The following WNT1 variants were observed in gnomAD, a reference collection of about 807,000 sequenced individuals.
WNT1 encodes Wnt family member 1.
A neutral mutation model predicts 21.3 loss-of-function variants in WNT1; 10 were observed. The ratio of observed to expected loss-of-function variants is 0.47; its 90% confidence interval spans 0.29 to 0.80. The LOEUF (loss-of-function observed/expected upper bound fraction) is 0.80. WNT1 is among the 30% of genes least tolerant of loss of function. WNT1 has a pLI of 0.09. For synonymous variants in WNT1, 208 were observed against 236.3 expected (o/e 0.88, Z 1.10); for missense variants, 476 against 534.1 (o/e 0.89, Z 1.07).
In WNT1 at chr12:48,978,785, T is replaced by C. The variant is rs1294988512; in HGVS notation, c.104+31T>C. 2.0e-6 allele frequency: 3 copies of C among 1,501,878 alleles called. No homozygotes were observed. Among genetic ancestry groups the C allele is most frequent in the African/African-American group, 1.4e-5 (1 of 72,622 alleles). The allele number at this position is 1,501,878 out of a possible 1,614,324, so 93.0% of individuals were successfully genotyped here. A position where few individuals can be genotyped will look rare whatever the true frequency, so the allele number is the denominator to read the frequency against. ...TGAGCTGGTGCGGGGTCGCCACTTGTCCCGCGGCACAGAGCCAGGGGCCAA... is the reference window on the plus strand; with the variant it reads ...TGAGCTGGTGCGGGGTCGCCACTTGCCCCGCGGCACAGAGCCAGGGGCCAA... On this transcript the variant is annotated intron_variant, in intron 1 of 3. Transcript: ENST00000293549. This position sits in a 1 kb window ranked among gnomAD's most constrained non-coding sequence, Gnocchi z 7.4.
Position 48,979,664 on chromosome 12 carries a change from C to A in WNT1, c.301C>A (p.Arg101Ser). 3 of 1,612,586 alleles carry A rather than the reference C, an allele frequency of 1.9e-6. No individual in the cohort carries two copies. Among genetic ancestry groups the A allele is most frequent in the Non-Finnish European group, 2.5e-6 (3 of 1,179,072 alleles). The change falls in exon 2 of 4, where the codon CGC becomes AGC. Residue 101 changes from arginine (R) to serine (S), a missense_variant. Transcript: ENST00000293549. This position sits in a 1 kb window ranked among gnomAD's most constrained non-coding sequence, Gnocchi z 6.0. Reference protein sequence around the residue: ...RECKWQFRNRRWNCPTAPGPH... With the variant: ...RECKWQFRNRSWNCPTAPGPH... ...GTGCAAGTGGCAGTTCCGGAATCGC[C>A]GCTGGAACTGTCCCACTGCTCCAGG...
rs779389282 is a variant in WNT1, at chr12:48,980,162, G to A, written c.359-262G>A. On this transcript the variant is annotated intron_variant, in intron 2 of 3. Coordinates refer to ENST00000293549, the MANE Select transcript of WNT1 (RefSeq NM_005430.4). The surrounding 1 kb of genome is among the most constrained non-coding windows in gnomAD (Gnocchi z 7.0). ...CCCCTCTCTTCGGTTTGTCTCTCTGGGGCTGCTCCACTTCCGCTATCGAGC... is the reference window on the plus strand; with the variant it reads ...CCCCTCTCTTCGGTTTGTCTCTCTGAGGCTGCTCCACTTCCGCTATCGAGC... Among the ~76,000 whole-genome samples the A allele has an allele frequency of 1.6e-4, 24 of 152,210 alleles. No individual in the cohort carries two copies. Among genetic ancestry groups the A allele is most frequent in the Non-Finnish European group, 2.6e-4 (18 of 68,034 alleles).
At position 48,980,346 on chromosome 12, in the gene WNT1, C is replaced by A; in HGVS notation, c.359-78C>A. On this transcript the variant is annotated intron_variant, in intron 2 of 3. Coordinates refer to ENST00000293549, the MANE Select transcript of WNT1 (RefSeq NM_005430.4). This position sits in a 1 kb window ranked among gnomAD's most constrained non-coding sequence, Gnocchi z 7.0. ...AAAGTGCGGAGTCGGGGGTGGGATT[C>A]CGGTCCCAAGCCCTTCATGAGGGTG... 1 of 1,545,768 alleles carries A rather than the reference C, an allele frequency of 6.5e-7. No homozygotes were observed. Among genetic ancestry groups the A allele is most frequent in the Non-Finnish European group, 8.9e-7 (1 of 1,128,796 alleles).
chr12:48,981,749 A>C lies in WNT1; in HGVS notation c.*109A>C. 7.4e-7 allele frequency: 1 copy of C among 1,358,892 alleles called. No homozygotes were observed. The highest frequency in any genetic ancestry group is 9.5e-7 in the Non-Finnish European group (1 of 1,049,578). The allele number at this position is 1,358,892 out of a possible 1,614,324, so 84.2% of individuals were successfully genotyped here. ...CGCCCACCCGAGTACCTCCAGTCAC[A>C]CTCCCCGCGGTTCATACGCATCCCA... On this transcript the variant is annotated 3_prime_UTR_variant, in exon 4 of 4. Coordinates refer to ENST00000293549, the MANE Select transcript of WNT1 (RefSeq NM_005430.4). This position sits in a 1 kb window ranked among gnomAD's most constrained non-coding sequence, Gnocchi z 7.4.
At position 48,980,736 on chromosome 12, in the gene WNT1, A is replaced by G; in HGVS notation, c.624+47A>G. The stretch of plus-strand genomic sequence containing the variant: ...ACCCTAAGCGGAGCGGCAGGGGCCA[A>G]CCTCGGGCTGGGGAAGTGACGGTCG... On this transcript the variant is annotated intron_variant, in intron 3 of 3. Transcript: ENST00000293549. This position sits in a 1 kb window ranked among gnomAD's most constrained non-coding sequence, Gnocchi z 7.0. 2.7e-6 allele frequency: 4 copies of G among 1,491,452 alleles called. No homozygotes were observed. In the South Asian group the frequency reaches 5.6e-5, roughly 21 times the overall value. The allele number at this position is 1,491,452 out of a possible 1,614,324, so 92.4% of individuals were successfully genotyped here. A position where few individuals can be genotyped will look rare whatever the true frequency, so the allele number is the denominator to read the frequency against.
Position 48,979,108 on chromosome 12 carries a change from G to A in WNT1, c.104+354G>A, listed in dbSNP as rs1249164755. On this transcript the variant is annotated intron_variant, in intron 1 of 3. Transcript: ENST00000293549. This position sits in a 1 kb window ranked among gnomAD's most constrained non-coding sequence, Gnocchi z 6.0. ...AGGAGTTCGCCTAGAAAGGAGGGGA[G>A]AAGAGGGTGGGACTCCTAAGCATTT... is the stretch of plus-strand genomic sequence containing the variant. Among the ~76,000 whole-genome samples, 1 of 152,228 alleles carries A rather than the reference G, an allele frequency of 6.6e-6. No homozygotes were observed. The highest frequency in any genetic ancestry group is 1.5e-5 in the Non-Finnish European group (1 of 68,042).
Position 48,981,717 on chromosome 12 carries a change from G to A in WNT1, c.*77G>A, listed in dbSNP as rs767267224. 2.6e-5 allele frequency: 36 copies of A among 1,401,134 alleles called. No homozygotes were observed. Among genetic ancestry groups the A allele is most frequent in the Admixed American group, 3.2e-5 (1 of 31,140 alleles). The allele number at this position is 1,401,134 out of a possible 1,614,324, so 86.8% of individuals were successfully genotyped here. ...ACAGACTCGCTAGCACTCAAGACCCGGTTATTCGCCCACCCGAGTACCTCC... is the reference window on the plus strand; with the variant it reads ...ACAGACTCGCTAGCACTCAAGACCCAGTTATTCGCCCACCCGAGTACCTCC... On this transcript the variant is annotated 3_prime_UTR_variant, in exon 4 of 4. Coordinates refer to ENST00000293549, the MANE Select transcript of WNT1 (RefSeq NM_005430.4). This position sits in a 1 kb window ranked among gnomAD's most constrained non-coding sequence, Gnocchi z 7.4.
In WNT1 at chr12:48,978,620, G is replaced by C; in HGVS notation, c.-31G>C. 1.3e-6 allele frequency: 2 copies of C among 1,524,614 alleles called. No homozygotes were observed. The allele number at this position is 1,524,614 out of a possible 1,614,324, so 94.4% of individuals were successfully genotyped here. ...GGCAACAACCAAAGTCGCCGCAACT[G>C]CAGCACAGAGCGGGCAAAGCCAGGC... On this transcript the variant is annotated 5_prime_UTR_variant, in exon 1 of 4. Coordinates refer to ENST00000293549, the MANE Select transcript of WNT1 (RefSeq NM_005430.4). The surrounding 1 kb of genome is among the most constrained non-coding windows in gnomAD (Gnocchi z 7.4).
In WNT1 at chr12:48,981,242, C is replaced by T; in HGVS notation, c.715C>T (p.Leu239=). ...CACGTGCTGGATGCGGCTGCCCACGCTGCGCGCCGTGGGCGATGTGCTGCG... is the reference window on the plus strand; with the variant it reads ...CACGTGCTGGATGCGGCTGCCCACGTTGCGCGCCGTGGGCGATGTGCTGCG... ...VRTCWMRLPT[L]RAVGDVLRDR... is the part of the protein sequence containing the mutation. Residue 239 remains leucine (L), a synonymous_variant, in exon 4 of 4, where the codon CTG becomes TTG. Coordinates refer to ENST00000293549, the MANE Select transcript of WNT1 (RefSeq NM_005430.4). The surrounding 1 kb of genome is among the most constrained non-coding windows in gnomAD (Gnocchi z 7.4). The T allele has an allele frequency of 1.9e-6, 3 of 1,609,624 alleles. No individual in the cohort carries two copies. Among genetic ancestry groups the T allele is most frequent in the African/African-American group, 1.3e-5 (1 of 74,574 alleles).
chr12:48,978,429 C>A lies in WNT1; in HGVS notation c.-222C>A. 1 of 574,102 alleles carries A rather than the reference C, an allele frequency of 1.7e-6. No individual in the cohort carries two copies. The highest frequency in any genetic ancestry group is 3.1e-6 in the Non-Finnish European group (1 of 324,274). The allele number at this position is 574,102 out of a possible 1,614,324, so 35.6% of individuals were successfully genotyped here. ...GAGGGGCAGCCTCCTCCCGTCACTT[C>A]AGCCAGCGCCGCAACTATAAGAGGC... On this transcript the variant is annotated 5_prime_UTR_variant, in exon 1 of 4. Coordinates refer to ENST00000293549, the MANE Select transcript of WNT1 (RefSeq NM_005430.4). This position sits in a 1 kb window ranked among gnomAD's most constrained non-coding sequence, Gnocchi z 7.4.
Position 48,980,444 on chromosome 12 carries a change from A to G in WNT1, c.379A>G (p.Ile127Val), listed in dbSNP as rs1254888811. Residue 127 changes from isoleucine (I) to valine (V), a missense_variant, in exon 3 of 4, where the codon ATC (isoleucine) becomes GTC (valine). Ile to Val is a conservative substitution (Grantham distance 29). Coordinates refer to ENST00000293549, the MANE Select transcript of WNT1 (RefSeq NM_005430.4). This position sits in a 1 kb window ranked among gnomAD's most constrained non-coding sequence, Gnocchi z 7.0. ...VNRGCRETAF[I>V]FAITSAGVTH... ...CACAGGCTGTCGAGAAACGGCGTTT[A>G]TCTTCGCTATCACCTCCGCCGGGGT... The G allele has an allele frequency of 6.2e-7, 1 of 1,614,172 alleles. No homozygotes were observed.
rs1940973274 is a variant in WNT1, at chr12:48,978,990, C to G, written c.104+236C>G. 6.6e-6 allele frequency among the ~76,000 whole-genome samples: 1 copy of G among 152,264 alleles called. No homozygotes were observed. The highest frequency in any genetic ancestry group is 2.4e-5 in the African/African-American group (1 of 41,474). On this transcript the variant is annotated intron_variant, in intron 1 of 3. Transcript: ENST00000293549. This position sits in a 1 kb window ranked among gnomAD's most constrained non-coding sequence, Gnocchi z 7.4. ...AGATACCCCAGGCAGGGAGCCCACT[C>G]TCATCTAGCACCGCCCTTCCCCTTT...
Position 48,980,316 on chromosome 12 carries a change from G to A in WNT1, c.359-108G>A. On this transcript the variant is annotated intron_variant, in intron 2 of 3. Transcript: ENST00000293549. The surrounding 1 kb of genome is among the most constrained non-coding windows in gnomAD (Gnocchi z 7.0). ...CAGCACTGCCGGCCCTGGCTCTCAG[G>A]ACTCAAAGTGCGGAGTCGGGGGTGG... 1 of 1,306,844 alleles carries A rather than the reference G, an allele frequency of 7.7e-7. No homozygotes were observed. Among genetic ancestry groups the A allele is most frequent in the Non-Finnish European group, 1.1e-6 (1 of 933,128 alleles). The allele number at this position is 1,306,844 out of a possible 1,614,324, so 81.0% of individuals were successfully genotyped here.
Position 48,981,741 on chromosome 12 carries a change from C to T in WNT1, c.*101C>T. On this transcript the variant is annotated 3_prime_UTR_variant, in exon 4 of 4. Coordinates refer to ENST00000293549, the MANE Select transcript of WNT1 (RefSeq NM_005430.4). The surrounding 1 kb of genome is among the most constrained non-coding windows in gnomAD (Gnocchi z 7.4). ...CGGTTATTCGCCCACCCGAGTACCT[C>T]CAGTCACACTCCCCGCGGTTCATAC... 1.5e-6 allele frequency: 2 copies of T among 1,373,526 alleles called. No individual in the cohort carries two copies. Among genetic ancestry groups the T allele is most frequent in the Non-Finnish European group, 1.9e-6 (2 of 1,059,882 alleles). 85.1% of individuals were successfully genotyped at this position (1,373,526 alleles called of 1,614,324 possible). A position where few individuals can be genotyped will look rare whatever the true frequency, so the allele number is the denominator to read the frequency against.
At position 48,979,492 on chromosome 12, in the gene WNT1, C is replaced by T. The variant is rs1476399475; in HGVS notation, c.129C>T (p.Ser43=). 5.0e-6 allele frequency: 8 copies of T among 1,612,176 alleles called. No individual in the cohort carries two copies. The highest frequency in any genetic ancestry group is 6.8e-6 in the Non-Finnish European group (8 of 1,178,690). Residue 43 remains serine (S), a synonymous_variant, in exon 2 of 4, where the codon TCC becomes TCT. Transcript: ENST00000293549. The surrounding 1 kb of genome is among the most constrained non-coding windows in gnomAD (Gnocchi z 6.0). The part of the protein sequence containing the change: ...RWWGIVNVAS[S]TNLLTDSKSL... ...GGGGTATTGTGAACGTAGCCTCCTC[C>T]ACGAACCTGCTTACAGACTCCAAGA...
rs555496663 is a variant in WNT1, at chr12:48,981,814, C to G, written c.*174C>G. 1.1e-6 allele frequency: 1 copy of G among 947,462 alleles called. No individual in the cohort carries two copies. Among genetic ancestry groups the G allele is most frequent in the African/African-American group, 1.7e-5 (1 of 57,172 alleles). 58.7% of individuals were successfully genotyped at this position (947,462 alleles called of 1,614,324 possible). ...TCCTACCTGGGGACTCCTCAAACCACTTGCCTGGGGCGGCATGAACCCTCT... is the reference window on the plus strand; with the variant it reads ...TCCTACCTGGGGACTCCTCAAACCAGTTGCCTGGGGCGGCATGAACCCTCT... On this transcript the variant is annotated 3_prime_UTR_variant, in exon 4 of 4. Coordinates refer to ENST00000293549, the MANE Select transcript of WNT1 (RefSeq NM_005430.4). This position sits in a 1 kb window ranked among gnomAD's most constrained non-coding sequence, Gnocchi z 7.4.
In WNT1 at chr12:48,980,783, C is replaced by A. The variant is rs1244928315; in HGVS notation, c.624+94C>A. 2.1e-6 allele frequency: 3 copies of A among 1,450,042 alleles called. No individual in the cohort carries two copies. The highest frequency in any genetic ancestry group is 2.9e-5 in the African/African-American group (2 of 70,022). 89.8% of individuals were successfully genotyped at this position (1,450,042 alleles called of 1,614,324 possible). A position where few individuals can be genotyped will look rare whatever the true frequency, so the allele number is the denominator to read the frequency against. On this transcript the variant is annotated intron_variant, in intron 3 of 3. Transcript: ENST00000293549. This position sits in a 1 kb window ranked among gnomAD's most constrained non-coding sequence, Gnocchi z 7.0. ...GTCGGTGAGATAAGGCAAGGGGCACCAGGAGAGGGCGTCCTGGGAGAGCCG... is the reference window on the plus strand; with the variant it reads ...GTCGGTGAGATAAGGCAAGGGGCACAAGGAGAGGGCGTCCTGGGAGAGCCG...
Position 48,978,556 on chromosome 12 carries a change from G to T in WNT1, c.-95G>T. The T allele has an allele frequency of 1.1e-6, 1 of 897,314 alleles. No homozygotes were observed. The highest frequency in any genetic ancestry group is 2.1e-5 in the Admixed American group (1 of 48,510). The allele number at this position is 897,314 out of a possible 1,614,324, so 55.6% of individuals were successfully genotyped here. On this transcript the variant is annotated 5_prime_UTR_variant, in exon 1 of 4. Coordinates refer to ENST00000293549, the MANE Select transcript of WNT1 (RefSeq NM_005430.4). This position sits in a 1 kb window ranked among gnomAD's most constrained non-coding sequence, Gnocchi z 7.4. ...TGTTAAAGCCAGACTGCGAACTCTCGCCACTGCCGCCACCGCCGCGTCCCG... is the reference window on the plus strand; with the variant it reads ...TGTTAAAGCCAGACTGCGAACTCTCTCCACTGCCGCCACCGCCGCGTCCCG...
Position 48,981,066 on chromosome 12 carries a change from C to A in WNT1, c.625-86C>A. Reference sequence around the variant, plus strand: ...CCTGGGCCTTTGCTGAGGTCCGGCCCCCGTGGCGTCCGGGAGAGGGCAGTG... The same window carrying A: ...CCTGGGCCTTTGCTGAGGTCCGGCCACCGTGGCGTCCGGGAGAGGGCAGTG... On this transcript the variant is annotated intron_variant, in intron 3 of 3. Transcript: ENST00000293549. This position sits in a 1 kb window ranked among gnomAD's most constrained non-coding sequence, Gnocchi z 7.4. The A allele has an allele frequency of 6.5e-7, 1 of 1,542,980 alleles. No individual in the cohort carries two copies. Among genetic ancestry groups the A allele is most frequent in the Non-Finnish European group, 8.7e-7 (1 of 1,144,830 alleles).
Sources: allele counts gnomAD v4.1 joint callset (sites outside exome capture counted in the v4.1 genomes callset), GRCh38; gene constraint gnomAD v4.1.1; non-coding constraint Gnocchi (gnomAD v3.1); transcripts MANE v1.5; gene names NCBI Gene and HGNC (gene_info 2026-07-23, HGNC 2026-07-21).